ARF3: variants seen among roughly 807,000 people sequenced by gnomAD.
The protein encoded by ARF3 is ADP-ribosylation factor 3.
Under a neutral mutation model 19.3 loss-of-function variants are expected in ARF3, and 5 were observed. The observed-to-expected ratio is 0.26, with a 90% CI of 0.14 to 0.54. ARF3 has a LOEUF of 0.54. Ranked by LOEUF, ARF3 falls within the 20% of genes least tolerant of loss-of-function variation. The probability of loss-of-function intolerance (pLI) is 0.95; values close to 1 mark genes in which losing one functional copy is unlikely to be tolerated. For synonymous variants in ARF3, 71 were observed against 89.2 expected, an observed-to-expected ratio of 0.80 and a Z score of 1.15; for missense variants, 77 against 234.2, an observed-to-expected ratio of 0.33 and a Z score of 4.38.
At chr12:48,954,243 G>A (rs958965003) in intron 1 of ARF3, among the ~76,000 whole-genome samples, 1 of 152,184 alleles carries the variant, frequency 6.6e-6, no homozygotes. Context: ...AGCAGGAGCT[G>A]TCTCTGCGAT....
intron 1 of ARF3, among the ~76,000 whole-genome samples, chr12:48,943,082 G>A (rs924079904): frequency 2.0e-5 from 3 of 152,190 alleles, no homozygotes; most frequent in African/African-American, 7.2e-5. Flanking sequence ...GCTCCAGCCT[G>A]GGTGACAGGG....
intron 1 of ARF3, among the ~76,000 whole-genome samples, chr12:48,948,757 G>A (rs7973248): frequency 0.026 from 3,903 of 152,084 alleles, 184 homozygotes; most frequent in African/African-American, 0.088. Context: ...GTTGCAGTGA[G>A]CCAAGATCAC....
At chr12:48,953,767 A>G (rs1414126673) in intron 1 of ARF3, among the ~76,000 whole-genome samples, 1 of 152,254 alleles carries the variant, frequency 6.6e-6, no homozygotes, top group Non-Finnish European at 1.5e-5. Context: ...TTACCAGACT[A>G]TAATATGAAA....
chr12:48,938,529 CAG>C lies in ARF3; in HGVS notation c.*416_*417del, dbSNP rs980196418. 4 of 450,690 alleles carry C rather than the reference CAG, an allele frequency of 8.9e-6. No individual in the cohort carries two copies. The highest frequency in any genetic ancestry group is 6.1e-5 in the African/African-American group (3 of 49,230). The allele number at this position is 450,690 out of a possible 1,614,324, so 27.9% of individuals were successfully genotyped here. A position where few individuals can be genotyped will look rare whatever the true frequency, so the allele number is the denominator to read the frequency against. ...AGGCCCGTGCAATTTCCATGTAAAA[CAG>C]GGAGAGGGTGGCAAAGGAAAGGCAA... On this transcript the variant is annotated 3_prime_UTR_variant, in exon 5 of 5. Coordinates refer to ENST00000256682, the MANE Select transcript of ARF3 (RefSeq NM_001659.3).
At position 48,938,465 on chromosome 12, in the gene ARF3, C is replaced by T. The variant is rs1053665295; in HGVS notation, c.*482G>A. The T allele has an allele frequency of 4.5e-6, 2 of 443,766 alleles. No individual in the cohort carries two copies. Among genetic ancestry groups the T allele is most frequent in the Non-Finnish European group, 9.0e-6 (2 of 222,214 alleles). The allele number at this position is 443,766 out of a possible 1,614,324, so 27.5% of individuals were successfully genotyped here. A position where few individuals can be genotyped will look rare whatever the true frequency, so the allele number is the denominator to read the frequency against. ...GCCCCCACAAATATATCTCTCTATA[C>T]ATGTATATACAGGCGCACACATGCA... On this transcript the variant is annotated 3_prime_UTR_variant, in exon 5 of 5. Coordinates refer to ENST00000256682, the MANE Select transcript of ARF3 (RefSeq NM_001659.3).
chr12:48,957,145 G>A (rs891453245), intron 1 of ARF3, 165 bp downstream of exon 1: 1 of 151,538 alleles, frequency 6.6e-6, no homozygotes, highest in African/African-American at 2.4e-5. Flanking sequence ...GGGCAGGCGT[G>A]AAGCTGGCCC....
chr12:48,947,445 T>C lies in ARF3; in HGVS notation c.-93-6257A>G, dbSNP rs575793396. On this transcript the variant is annotated intron_variant, in intron 1 of 4. Transcript: ENST00000256682. ...CCTCAGCCTCCCGAGTAGATGGGAC[T>C]ACAGGCGCATGCCACCACACCTGGC... 2.6e-5 allele frequency among the ~76,000 whole-genome samples: 4 copies of C among 152,230 alleles called. No individual in the cohort carries two copies. The East Asian group carries it at 7.7e-4, about 29-fold the overall frequency.
intron 1 of ARF3, among the ~76,000 whole-genome samples, chr12:48,942,290 A>G: frequency 6.9e-6 from 1 of 145,666 alleles, no homozygotes; most frequent in Non-Finnish European, 1.5e-5. Context: ...CGTGTTGCCC[A>G]GGCTGGTCCC....
At chr12:48,948,654 T>C (rs544892074) in intron 1 of ARF3, among the ~76,000 whole-genome samples, 1 of 151,944 alleles carries the variant, frequency 6.6e-6, no homozygotes, top group South Asian at 2.1e-4. Context: ...CTACTAAAAA[T>C]AGAAAAATTA....
intron 1 of ARF3, among the ~76,000 whole-genome samples, chr12:48,952,893 T>C (rs1024519906): frequency 6.6e-6 from 1 of 152,248 alleles, no homozygotes; most frequent in Non-Finnish European, 1.5e-5. Flanking sequence ...CAGCTGGAGA[T>C]ACTGATCCTA....
At chr12:48,956,336 C>CA (rs1176923591) in intron 1 of ARF3, 1 of 152,352 alleles carries the variant, frequency 6.6e-6, no homozygotes, top group Non-Finnish European at 1.5e-5. Flanking sequence ...CCTCCACCAC[C>CA]ACATTCCTCC....
At chr12:48,945,930 G>A (rs1373467170) in intron 1 of ARF3, among the ~76,000 whole-genome samples, 1 of 152,114 alleles carries the variant, frequency 6.6e-6, no homozygotes, top group East Asian at 1.9e-4. Flanking sequence ...AGCCTCCCGA[G>A]TAGCTGGGAT....
intron 1 of ARF3, chr12:48,956,434 C>T (rs1303433209): frequency 1.3e-5 from 2 of 152,166 alleles, no homozygotes; most frequent in African/African-American, 2.4e-5. Context: ...ATCAAGTGGC[C>T]CGTTTTAACA....
chr12:48,944,526 A>T (rs1940321507), intron 1 of ARF3, among the ~76,000 whole-genome samples: 1 of 152,198 alleles, frequency 6.6e-6, no homozygotes, highest in South Asian at 2.1e-4. Flanking sequence ...TAAGCTGTGT[A>T]TTCCCTATGT....
chr12:48,949,375 G>A (rs1041300462), intron 1 of ARF3, among the ~76,000 whole-genome samples: 33 of 152,002 alleles, frequency 2.2e-4, no homozygotes, highest in African/African-American at 3.4e-4. Flanking sequence ...ACAGGCGCCC[G>A]CCACTACACC....
intron 1 of ARF3, among the ~76,000 whole-genome samples, chr12:48,953,516 T>C (rs1940505000): frequency 6.6e-6 from 1 of 152,204 alleles, no homozygotes; most frequent in Non-Finnish European, 1.5e-5. Context: ...TTGACACTCC[T>C]GTGCATAAGC....
At position 48,937,924 on chromosome 12, in the gene ARF3, C is replaced by A. The variant is rs773910981; in HGVS notation, c.*1023G>T. ...CCCATGCCTCACCTTCTCCTAATAACAAAAGAGAATGAAGATGGAAAACCT... is the reference window on the plus strand; with the variant it reads ...CCCATGCCTCACCTTCTCCTAATAAAAAAAGAGAATGAAGATGGAAAACCT... On this transcript the variant is annotated 3_prime_UTR_variant, in exon 5 of 5. Transcript: ENST00000256682. 66 of 161,690 alleles carry A rather than the reference C, an allele frequency of 4.1e-4. No homozygotes were observed. The highest frequency in any genetic ancestry group is 3.1e-3 in the Middle Eastern group (1 of 322). The allele number at this position is 161,690 out of a possible 1,614,324, so 10.0% of individuals were successfully genotyped here.
At chr12:48,952,907 G>A (rs1453962134) in intron 1 of ARF3, among the ~76,000 whole-genome samples, 3 of 152,230 alleles carry the variant, frequency 2.0e-5, no homozygotes, top group Admixed American at 6.5e-5. Context: ...GATCCTATCA[G>A]CCACTGGATG....
At chr12:48,954,992 G>A (rs1270405030) in intron 1 of ARF3, among the ~76,000 whole-genome samples, 1 of 152,180 alleles carries the variant, frequency 6.6e-6, no homozygotes, top group Non-Finnish European at 1.5e-5. Context: ...TCCAGCCTGG[G>A]TGGATAAAAA....
Sources: allele counts gnomAD v4.1 joint callset (sites outside exome capture counted in the v4.1 genomes callset), GRCh38; gene constraint gnomAD v4.1.1; transcripts MANE v1.5; gene names NCBI Gene and HGNC (gene_info 2026-07-23, HGNC 2026-07-21).